The following ATXN1 variants were observed in gnomAD, a reference collection of about 807,000 sequenced individuals.
ATXN1 encodes ataxin 1.
ATXN1 carries 8 observed loss-of-function variants against 56.4 expected under a neutral mutation model. That is an observed-to-expected ratio of 0.14 (90% CI 0.08 to 0.26). The LOEUF (loss-of-function observed/expected upper bound fraction) is 0.26. ATXN1 is among the 10% of genes least tolerant of loss of function. The probability of loss-of-function intolerance (pLI) is 1.00; values close to 1 mark genes in which losing one functional copy is unlikely to be tolerated. For missense variants in ATXN1, 987 were observed against 1,106.5 expected (o/e 0.89, Z 1.53); for synonymous variants, 514 against 494.6 (o/e 1.04, Z -0.52).
chr6:16,659,538 T>C (rs1378447907), intron 2 of ATXN1, among the ~76,000 whole-genome samples: 1 of 152,210 alleles, frequency 6.6e-6, no homozygotes, highest in Non-Finnish European at 1.5e-5. Context: ...AAGAGGTCCT[T>C]GACGTTTCAT....
intron 2 of ATXN1, among the ~76,000 whole-genome samples, chr6:16,686,205 G>C (rs1266482977): frequency 6.6e-6 from 1 of 152,078 alleles, no homozygotes; most frequent in Admixed American, 6.5e-5. Flanking sequence ...ATTATTTATA[G>C]TCATCCCAAA....
At chr6:16,548,548 G>A (rs1041310364) in intron 4 of ATXN1, among the ~76,000 whole-genome samples, 13 of 151,928 alleles carry the variant, frequency 8.6e-5, no homozygotes, top group African/African-American at 1.7e-4. Flanking sequence ...AAAGTTGTAC[G>A]AAAATATTTT....
chr6:16,508,892 A>C (rs1761029155), intron 5 of ATXN1, among the ~76,000 whole-genome samples: 1 of 152,238 alleles, frequency 6.6e-6, no homozygotes, highest in Non-Finnish European at 1.5e-5. Context: ...ATGAATGAAT[A>C]AACAAAATGT....
At chr6:16,589,007 G>A (rs950011947) in intron 3 of ATXN1, among the ~76,000 whole-genome samples, 1 of 151,946 alleles carries the variant, frequency 6.6e-6, no homozygotes, top group South Asian at 2.1e-4. Flanking sequence ...GCACCTCCAA[G>A]TCCCTCCCTG....
chr6:16,556,820 G>A (rs1457837278), intron 4 of ATXN1, among the ~76,000 whole-genome samples: 2 of 152,084 alleles, frequency 1.3e-5, no homozygotes, highest in Non-Finnish European at 2.9e-5. Context: ...ATAACAGGCA[G>A]AAAAATTATT....
chr6:16,734,421 T>C (rs540036475), intron 2 of ATXN1, among the ~76,000 whole-genome samples: 2 of 152,098 alleles, frequency 1.3e-5, no homozygotes, highest in African/African-American at 4.8e-5. Flanking sequence ...GGATGAGAGA[T>C]GAAAAAGTAG....
rs1299348220 is a variant in ATXN1, at chr6:16,742,150, C to T, written c.-615+11083G>A. Among the ~76,000 whole-genome samples, 4 of 151,976 alleles carry T rather than the reference C, an allele frequency of 2.6e-5. No individual in the cohort carries two copies. The South Asian group carries it at 8.3e-4, about 32-fold the overall frequency. ...ACAATAATAAACTTGTCTTATGGGT[C>T]TATGACCACTTACAAAAGAAAAAAA... On this transcript the variant is annotated intron_variant, in intron 2 of 7. Coordinates refer to ENST00000436367, the MANE Select transcript of ATXN1 (RefSeq NM_001128164.2).
rs1760022532 is a variant in ATXN1 at position 16,299,330 on chromosome 6, A to G, written c.*6999T>C. The G allele has an allele frequency of 6.6e-6, 1 of 152,600 alleles. No individual in the cohort carries two copies. The highest frequency in any genetic ancestry group is 2.1e-4 in the South Asian group (1 of 4,830). 9.5% of individuals were successfully genotyped at this position (152,600 alleles called of 1,614,324 possible). A position where few individuals can be genotyped will look rare whatever the true frequency, so the allele number is the denominator to read the frequency against. On this transcript the variant is annotated 3_prime_UTR_variant, in exon 8 of 8. Coordinates refer to ENST00000436367, the MANE Select transcript of ATXN1 (RefSeq NM_001128164.2). ...AGACTCGAGTGTATCCTACAAATAG[A>G]CACACCACGATTAGAAAATAGAATA... is the stretch of plus-strand genomic sequence containing the variant.
chr6:16,509,247 C>A (rs561122879), intron 5 of ATXN1, among the ~76,000 whole-genome samples: 1 of 152,300 alleles, frequency 6.6e-6, no homozygotes, highest in South Asian at 2.1e-4. Flanking sequence ...ATGCCACTGC[C>A]ACCATTCAAG....
At chr6:16,454,202 A>G (rs2113616819) in intron 6 of ATXN1, among the ~76,000 whole-genome samples, 1 of 151,344 alleles carries the variant, frequency 6.6e-6, no homozygotes, top group East Asian at 2.0e-4. Context: ...ACAGTGTGCC[A>G]AGTACTGATT....
At chr6:16,686,221 C>T (rs1535600) in intron 2 of ATXN1, among the ~76,000 whole-genome samples, 149,896 of 152,338 alleles carry the variant, frequency 0.98, 73,755 homozygotes, top group East Asian at 1. Context: ...CCAAAACATA[C>T]ATAACACAGA....
intron 6 of ATXN1, among the ~76,000 whole-genome samples, chr6:16,433,331 A>G (rs1759324451): frequency 6.6e-6 from 1 of 152,182 alleles, no homozygotes. Context: ...CTTTTTGGGA[A>G]CTTTAGCACA....
chr6:16,465,510 C>T (rs1310756962), intron 6 of ATXN1, among the ~76,000 whole-genome samples: 1 of 152,102 alleles, frequency 6.6e-6, no homozygotes, highest in African/African-American at 2.4e-5. Flanking sequence ...ATAAAGATGA[C>T]TCCCAGGCAA....
intron 3 of ATXN1, among the ~76,000 whole-genome samples, chr6:16,624,674 A>C (rs1322726165): frequency 6.6e-6 from 1 of 152,208 alleles, no homozygotes; most frequent in Non-Finnish European, 1.5e-5. Context: ...AAATGCTATA[A>C]CAGCACATAC....
chr6:16,314,652 G>C (rs1041882711), intron 7 of ATXN1, among the ~76,000 whole-genome samples: 1 of 151,576 alleles, frequency 6.6e-6, no homozygotes, highest in African/African-American at 2.4e-5. Flanking sequence ...GTCTTGCTCT[G>C]TTGCCCAGGC....
chr6:16,309,715 T>C (rs1182326573), intron 7 of ATXN1, among the ~76,000 whole-genome samples: 1 of 152,088 alleles, frequency 6.6e-6, no homozygotes, highest in African/African-American at 2.4e-5. Flanking sequence ...TCTTGTAAAC[T>C]AAACAGGAAA....
intron 7 of ATXN1, among the ~76,000 whole-genome samples, chr6:16,311,199 T>C (rs996837586): frequency 6.6e-6 from 1 of 152,230 alleles, no homozygotes; most frequent in African/African-American, 2.4e-5. Flanking sequence ...AGTATTAGTA[T>C]GGAATAGTAT....
chr6:16,318,580 G>T (rs179996), intron 7 of ATXN1, among the ~76,000 whole-genome samples: 101,895 of 152,106 alleles, frequency 0.67, 35,387 homozygotes, highest in African/African-American at 0.87. Context: ...CAGTCAAAAC[G>T]CTTTGGCTGA....
intron 4 of ATXN1, among the ~76,000 whole-genome samples, chr6:16,553,290 T>C (rs1455058542): frequency 6.6e-6 from 1 of 152,204 alleles, no homozygotes. Context: ...TTAAAGACTA[T>C]CCCTTTCATG....
Sources: gnomAD v4.1 joint callset for allele counts (sites outside exome capture counted in the v4.1 genomes callset) on GRCh38, gnomAD v4.1.1 for gene constraint, MANE v1.5 for transcripts, NCBI Gene and HGNC (gene_info 2026-07-23, HGNC 2026-07-21) for gene names.